The following TCF12 variants were observed in gnomAD, a reference collection of about 807,000 sequenced individuals.
TCF12 encodes the protein DNA-binding protein HTF4.
Under a neutral mutation model 86.0 loss-of-function variants are expected in TCF12, and 45 were observed. The ratio of observed to expected loss-of-function variants is 0.52; its 90% CI spans 0.41 to 0.67. The LOEUF is 0.67. Ranked by LOEUF, TCF12 falls within the 30% of genes least tolerant of loss-of-function variation. The pLI is 0.00. For synonymous variants in TCF12, 330 were observed against 299.6 expected (o/e 1.10, Z -1.05); for missense variants, 881 against 859.9 (o/e 1.02, Z -0.31).
intron 3 of TCF12, among the ~76,000 whole-genome samples, chr15:56,981,264 C>G (rs1206494558): frequency 6.6e-6 from 1 of 152,168 alleles, no homozygotes. Context: ...ACAGTTCTGG[C>G]GGCTGCCAAG....
intron 3 of TCF12, among the ~76,000 whole-genome samples, chr15:57,005,692 C>T (rs1567237513): frequency 6.6e-6 from 1 of 152,142 alleles, no homozygotes; most frequent in Admixed American, 6.5e-5. Flanking sequence ...CTTCAGCCTC[C>T]TGAGTAGCTA....
At chr15:56,940,821 T>A (rs773550339) in intron 3 of TCF12, among the ~76,000 whole-genome samples, 3 of 149,796 alleles carry the variant, frequency 2.0e-5, no homozygotes, top group Non-Finnish European at 4.4e-5. Context: ...AGTGGTATGA[T>A]CATAGCCTAC....
At chr15:57,124,715 T>C (rs994230200) in intron 5 of TCF12, among the ~76,000 whole-genome samples, 1 of 152,060 alleles carries the variant, frequency 6.6e-6, no homozygotes, top group Non-Finnish European at 1.5e-5. Context: ...TCTCACTCTG[T>C]TGCCCAGGCT....
At chr15:56,968,785 A>T (rs950394347) in intron 3 of TCF12, among the ~76,000 whole-genome samples, 1 of 152,210 alleles carries the variant, frequency 6.6e-6, no homozygotes, top group East Asian at 1.9e-4. Flanking sequence ...ACATGTGCTC[A>T]AGGTGGCTGG....
At chr15:57,207,007 A>T (rs572076029) in intron 8 of TCF12, among the ~76,000 whole-genome samples, 1 of 151,872 alleles carries the variant, frequency 6.6e-6, no homozygotes, top group African/African-American at 2.4e-5. Flanking sequence ...TCAGGAGGCT[A>T]AGGTTGGAGG....
At chr15:57,026,417 T>C (rs2065827705) in intron 3 of TCF12, among the ~76,000 whole-genome samples, 1 of 152,192 alleles carries the variant, frequency 6.6e-6, no homozygotes, top group South Asian at 2.1e-4. Flanking sequence ...GTTACTGATT[T>C]ATTATAAGCA....
chr15:57,117,680 A>G (rs2050938316), intron 5 of TCF12, among the ~76,000 whole-genome samples: 1 of 152,210 alleles, frequency 6.6e-6, no homozygotes, highest in Non-Finnish European at 1.5e-5. Flanking sequence ...GCACATTGAT[A>G]GTACTCTAGC....
chr15:57,031,422 A>G (rs550468743), intron 3 of TCF12, among the ~76,000 whole-genome samples: 84 of 152,294 alleles, frequency 5.5e-4, no homozygotes, highest in African/African-American at 1.9e-3. Context: ...GACCTGGCTT[A>G]TCGCTGTGGT....
In TCF12 at chr15:57,013,847, C is replaced by T. The variant is rs569680924; in HGVS notation, c.149-49903C>T. ...ATATAATTTGGATGTTTGGTATTGA[C>T]ATTTAAAAATAAAGTGGTTGCATTG... is the stretch of plus-strand genomic sequence containing the variant. On this transcript the variant is annotated intron_variant, in intron 3 of 20. Coordinates refer to ENST00000333725, the MANE Select transcript of TCF12 (RefSeq NM_207037.2). 2.0e-5 allele frequency among the ~76,000 whole-genome samples: 3 copies of T among 152,296 alleles called. No individual in the cohort carries two copies. In the South Asian group the frequency reaches 6.2e-4, roughly 32 times the overall value.
chr15:57,291,217 C>T (rs1022175121), downstream of TCF12: 7 of 151,746 alleles, frequency 4.6e-5, no homozygotes, highest in African/African-American at 1.2e-4. Context: ...TAAAAGGGCA[C>T]GATATTTGCA....
intron 5 of TCF12, among the ~76,000 whole-genome samples, chr15:57,144,789 A>G (rs1300125297): frequency 6.6e-6 from 1 of 152,006 alleles, no homozygotes; most frequent in Non-Finnish European, 1.5e-5. Context: ...TTTTGTAGAG[A>G]TAGGGTTTTG....
intron 3 of TCF12, among the ~76,000 whole-genome samples, chr15:56,923,181 T>C (rs1467921878): frequency 6.6e-6 from 1 of 152,088 alleles, no homozygotes; most frequent in Non-Finnish European, 1.5e-5. Context: ...TTTCCTTTCT[T>C]ATTTGTCCTT....
chr15:57,025,217 C>T (rs2065750520), intron 3 of TCF12, among the ~76,000 whole-genome samples: 1 of 152,018 alleles, frequency 6.6e-6, no homozygotes, highest in African/African-American at 2.4e-5. Flanking sequence ...GTAACTGGGA[C>T]TACAGGCGCC....
rs555795775 is a variant in TCF12, at chr15:57,197,910, T to C, written c.579+85T>C. The C allele has an allele frequency of 3.0e-6, 4 of 1,338,826 alleles. No individual in the cohort carries two copies. The South Asian group carries it at 3.7e-5, about 12-fold the overall frequency. 82.9% of individuals were successfully genotyped at this position (1,338,826 alleles called of 1,614,324 possible). On this transcript the variant is annotated intron_variant, in intron 8 of 20. Transcript: ENST00000333725. ...TACCTTGCTACAAGGGTACATTCGA[T>C]TGATGCGAGTGGGCATACTTTACAT...
At chr15:57,232,889 A>G (rs764286102) in intron 11 of TCF12, 33 bp downstream of exon 11, 2 of 1,499,916 alleles carry the variant, frequency 1.3e-6, no homozygotes, top group Non-Finnish European at 1.8e-6. Context: ...ACTTCCTAAA[A>G]GTTTGTGGAC....
chr15:56,969,155 T>C (rs1485525780), intron 3 of TCF12, among the ~76,000 whole-genome samples: 3 of 152,316 alleles, frequency 2.0e-5, no homozygotes, highest in African/African-American at 7.2e-5. Flanking sequence ...TTTATGTTTG[T>C]AACTATCTTA....
rs1331780204 is a variant in TCF12, at chr15:56,938,023, CT to C, written c.148+16936del. On this transcript the variant is annotated intron_variant, in intron 3 of 20. Coordinates refer to ENST00000333725, the MANE Select transcript of TCF12 (RefSeq NM_207037.2). ...TTGGTCTGTAGTTTGCTTTTTTTTT[CT>C]TTTTTTTTTTCGTTTCTTTTCTTTT... Among the ~76,000 whole-genome samples the C allele has an allele frequency of 1.2e-3, 54 of 44,212 alleles. 1 individual carries two copies. The highest frequency in any genetic ancestry group is 2.3e-3 in the East Asian group (4 of 1,710). The allele number at this position is 44,212 out of a possible 152,430, so 29.0% of individuals were successfully genotyped here.
intron 19 of TCF12, among the ~76,000 whole-genome samples, chr15:57,280,327 A>G (rs1277754048): frequency 6.6e-6 from 1 of 152,174 alleles, no homozygotes; most frequent in Non-Finnish European, 1.5e-5. Flanking sequence ...TAGTTACCCT[A>G]ATAAATTAAC....
chr15:57,242,068 C>A (rs1351022771), intron 12 of TCF12, among the ~76,000 whole-genome samples: 2 of 151,658 alleles, frequency 1.3e-5, no homozygotes. Flanking sequence ...AATAATCTGG[C>A]TTTGTCAAAT....
Sources: allele counts gnomAD v4.1 joint callset (sites outside exome capture counted in the v4.1 genomes callset), GRCh38; gene constraint gnomAD v4.1.1; transcripts MANE v1.5; gene names NCBI Gene and HGNC (gene_info 2026-07-23, HGNC 2026-07-21).